USH2A: variants seen among roughly 807,000 people sequenced by gnomAD.
USH2A encodes Usher syndrome 2A (autosomal recessive, mild).
USH2A carries 443 observed loss-of-function variants against 538.9 expected under a neutral mutation model. The ratio of observed to expected loss-of-function variants is 0.82; its 90% CI spans 0.76 to 0.89. USH2A has a LOEUF of 0.89. Ranked by LOEUF, USH2A falls within the 40% of genes least tolerant of loss-of-function variation. The probability of loss-of-function intolerance (pLI) is 0.00; values close to 1 mark genes in which losing one functional copy is unlikely to be tolerated. For synonymous variants in USH2A, 2,413 were observed against 2,273.5 expected, an observed-to-expected ratio of 1.06 and a Z score of -1.75; for missense variants, 6,633 against 6,324.8, an observed-to-expected ratio of 1.05 and a Z score of -1.65.
chr1:215,980,350 C>T (rs568972554), intron 35 of USH2A, among the ~76,000 whole-genome samples: 5 of 152,238 alleles, frequency 3.3e-5, no homozygotes, highest in South Asian at 2.1e-4. Context: ...AGCTATGTGT[C>T]GGCACTGAAG....
chr1:215,697,449 G>C (rs990624812), intron 61 of USH2A, among the ~76,000 whole-genome samples: 2 of 152,088 alleles, frequency 1.3e-5, no homozygotes, highest in East Asian at 1.9e-4. Context: ...TGCTGTGTTT[G>C]TCAGTGAACA....
intron 47 of USH2A, among the ~76,000 whole-genome samples, chr1:215,836,764 G>A (rs1419269615): frequency 6.7e-6 from 1 of 148,514 alleles, no homozygotes; most frequent in Non-Finnish European, 1.5e-5. Context: ...CACCATGTTA[G>A]CCAGGATGGT....
At chr1:215,706,686 G>A (rs74455338) in intron 61 of USH2A, among the ~76,000 whole-genome samples, 1 of 152,124 alleles carries the variant, frequency 6.6e-6, no homozygotes, top group South Asian at 2.1e-4. Context: ...AGTATAATAG[G>A]ATTTAAATTT....
chr1:215,735,341 A>C (rs1660127041), intron 60 of USH2A, among the ~76,000 whole-genome samples: 1 of 152,252 alleles, frequency 6.6e-6, no homozygotes, highest in South Asian at 2.1e-4. Flanking sequence ...GCTTTTAGTT[A>C]CCTAGTTAAC....
At chr1:215,993,868 T>G (rs1668070452) in intron 34 of USH2A, among the ~76,000 whole-genome samples, 1 of 152,066 alleles carries the variant, frequency 6.6e-6, no homozygotes, top group South Asian at 2.1e-4. Context: ...CCTAATTAAG[T>G]ATCACTAATG....
rs1666442222 is a variant in USH2A at position 215,934,564 on chromosome 1, A to C, written c.7300+52T>G. Reference sequence around the variant, plus strand: ...TAAACAAGGTATTCAATGGAAACTTAATTCTAGGGCATTTATATAAAATTA... The same window carrying C: ...TAAACAAGGTATTCAATGGAAACTTCATTCTAGGGCATTTATATAAAATTA... On this transcript the variant is annotated intron_variant, in intron 38 of 71. Transcript: ENST00000307340. 2.5e-6 allele frequency: 4 copies of C among 1,571,712 alleles called. No homozygotes were observed. The South Asian group carries it at 4.5e-5, about 18-fold the overall frequency.
intron 45 of USH2A, among the ~76,000 whole-genome samples, chr1:215,844,845 G>A (rs1198788660): frequency 1.3e-5 from 2 of 152,112 alleles, no homozygotes; most frequent in African/African-American, 2.4e-5. Flanking sequence ...AAGGTGCAGG[G>A]GAGGGAGGGA....
chr1:215,655,636 A>G (rs998995338), intron 64 of USH2A, among the ~76,000 whole-genome samples: 3 of 151,968 alleles, frequency 2.0e-5, no homozygotes, highest in Admixed American at 6.6e-5. Context: ...AGGGACCATC[A>G]GTCTGCACAG....
At chr1:215,803,025 C>T (rs1233727758) in intron 49 of USH2A, among the ~76,000 whole-genome samples, 1 of 152,100 alleles carries the variant, frequency 6.6e-6, no homozygotes, top group Non-Finnish European at 1.5e-5. Flanking sequence ...GAACCAGCGA[C>T]AAAAACCACA....
intron 30 of USH2A, among the ~76,000 whole-genome samples, chr1:216,050,807 G>T (rs1004750955): frequency 1.3e-5 from 2 of 150,916 alleles, no homozygotes; most frequent in African/African-American, 2.4e-5. Flanking sequence ...GGGTTTCACC[G>T]TGTTAGCCAG....
At chr1:215,866,932 G>T (rs1340476278) in intron 44 of USH2A, 75 bp downstream of exon 44, 3 of 1,591,356 alleles carry the variant, frequency 1.9e-6, no homozygotes, top group Non-Finnish European at 2.6e-6. Context: ...GTACATGGGG[G>T]AGGTTCATAG....
At chr1:215,825,176 C>T (rs928915346) in intron 47 of USH2A, among the ~76,000 whole-genome samples, 1 of 152,066 alleles carries the variant, frequency 6.6e-6, no homozygotes, top group Non-Finnish European at 1.5e-5. Flanking sequence ...ATTACTGTTA[C>T]TACTACATAC....
At chr1:216,317,123 T>C (rs1311824937) in intron 9 of USH2A, among the ~76,000 whole-genome samples, 2 of 152,080 alleles carry the variant, frequency 1.3e-5, no homozygotes, top group Non-Finnish European at 2.9e-5. Context: ...GGTGGGAGTA[T>C]AAATAGTTCA....
intron 17 of USH2A, 47 bp from the exon 18 acceptor site, chr1:216,198,631 G>T (rs752854989): frequency 4.4e-6 from 7 of 1,578,246 alleles, no homozygotes; most frequent in East Asian, 2.2e-5. Flanking sequence ...AGACAAAGGG[G>T]TTACTTTAGG....
At position 216,005,687 on chromosome 1, in the gene USH2A, A is replaced by C. The variant is rs139055792; in HGVS notation, c.6326-5125T>G. Among the ~76,000 whole-genome samples the C allele has an allele frequency of 9.1e-3, 1,380 of 152,264 alleles. 11 individuals carry two copies. Among genetic ancestry groups the C allele is most frequent in the Non-Finnish European group, 0.012 (846 of 68,012 alleles). On this transcript the variant is annotated intron_variant, in intron 32 of 71. Coordinates refer to ENST00000307340, the MANE Select transcript of USH2A (RefSeq NM_206933.4). The stretch of plus-strand genomic sequence containing the variant: ...TATAGTTGTAAGACAAAGGAGATTT[A>C]CCATTAAATACGAGAAAAAGGCAAA...
At chr1:215,870,257 T>TA (rs76774680) in intron 43 of USH2A, among the ~76,000 whole-genome samples, 5,400 of 152,054 alleles carry the variant, frequency 0.036, 162 homozygotes, top group East Asian at 0.14. Context: ...GTTAAATTTT[T>TA]AAGGAAACAA....
chr1:215,900,740 A>G lies in USH2A; in HGVS notation c.7451+15T>C, dbSNP rs779805470. On this transcript the variant is annotated intron_variant, in intron 39 of 71. Coordinates refer to ENST00000307340, the MANE Select transcript of USH2A (RefSeq NM_206933.4). ...TATAACCCAGCTGATAGAATGGACA[A>G]AGTAGAATGCTCACTCTAGAAATCC... 6.2e-7 allele frequency: 1 copy of G among 1,613,542 alleles called. No homozygotes were observed. The highest frequency in any genetic ancestry group is 1.7e-4 in the Middle Eastern group (1 of 6,052).
chr1:215,753,147 A>C (rs554676926), intron 58 of USH2A, among the ~76,000 whole-genome samples: 1 of 152,254 alleles, frequency 6.6e-6, no homozygotes, highest in African/African-American at 2.4e-5. Flanking sequence ...CAATCATTAA[A>C]AAGTCAGGAA....
intron 9 of USH2A, among the ~76,000 whole-genome samples, chr1:216,311,751 A>T (rs907598202): frequency 6.6e-5 from 10 of 152,068 alleles, no homozygotes; most frequent in African/African-American, 2.4e-4. Flanking sequence ...GTCATGCGAG[A>T]GTTCCAAGTT....
Sources: allele counts gnomAD v4.1 joint callset (sites outside exome capture counted in the v4.1 genomes callset), GRCh38; gene constraint gnomAD v4.1.1; transcripts MANE v1.5; gene names NCBI Gene and HGNC (gene_info 2026-07-23, HGNC 2026-07-21).